The following HSPA12B variants were observed in gnomAD, a reference collection of about 807,000 sequenced individuals.
HSPA12B encodes heat shock 70 kDa protein 12B.
HSPA12B carries 54 observed loss-of-function variants against 69.3 expected under a neutral mutation model. That is an observed-to-expected ratio of 0.78 (90% CI 0.63 to 0.98). The LOEUF is 0.98. Ranked by LOEUF, HSPA12B falls within the 50% of genes least tolerant of loss-of-function variation. HSPA12B has a pLI of 0.00. For synonymous variants in HSPA12B, 441 were observed against 436.5 expected (o/e 1.01, Z -0.13); for missense variants, 929 against 999.8 (o/e 0.93, Z 0.96).
At chr20:3,736,918 G>T (rs1471256373) in intron 1 of HSPA12B, among the ~76,000 whole-genome samples, 1 of 152,054 alleles carries the variant, frequency 6.6e-6, no homozygotes, top group African/African-American at 2.4e-5. Flanking sequence ...ATTAGGTGGC[G>T]CATGCCTGTG....
intron 1 of HSPA12B, among the ~76,000 whole-genome samples, chr20:3,733,611 G>A (rs2088064247): frequency 6.6e-6 from 1 of 152,188 alleles, no homozygotes; most frequent in African/African-American, 2.4e-5. Context: ...GCAGGATGGG[G>A]CAGCCACCTC....
intron 1 of HSPA12B, among the ~76,000 whole-genome samples, chr20:3,736,459 G>A (rs978498347): frequency 2.6e-5 from 4 of 152,230 alleles, no homozygotes; most frequent in African/African-American, 7.2e-5. Context: ...GGGCTGGTTT[G>A]TGTGAACTGT....
At chr20:3,750,691 G>C in intron 11 of HSPA12B, 113 bp from the exon 12 acceptor site, 1 of 1,585,310 alleles carries the variant, frequency 6.3e-7, no homozygotes, top group South Asian at 1.1e-5. Flanking sequence ...TGCAGTCGGT[G>C]CCCAGGCACT....
chr20:3,748,504 C>A (rs1287116969), intron 8 of HSPA12B, 113 bp downstream of exon 8: 4 of 1,015,162 alleles, frequency 3.9e-6, no homozygotes, highest in African/African-American at 3.3e-5. Flanking sequence ...TGGAGGAGCC[C>A]AATTTGAGCA....
At position 3,745,397 on chromosome 20, in the gene HSPA12B, G is replaced by C; in HGVS notation, c.454-96G>C. 4.5e-6 allele frequency: 4 copies of C among 886,492 alleles called. No homozygotes were observed. The highest frequency in any genetic ancestry group is 2.2e-4 in the Middle Eastern group (1 of 4,614). The allele number at this position is 886,492 out of a possible 1,614,324, so 54.9% of individuals were successfully genotyped here. On this transcript the variant is annotated intron_variant, in intron 5 of 12. Transcript: ENST00000254963. The surrounding 1 kb of genome is among the most constrained non-coding windows in gnomAD (Gnocchi z 5.6). ...AGTGGGACGGTGGTAAAGAGGAGGGGAAGCTCCAGGAAACGGGGTGATTTT... is the reference window on the plus strand; with the variant it reads ...AGTGGGACGGTGGTAAAGAGGAGGGCAAGCTCCAGGAAACGGGGTGATTTT...
intron 1 of HSPA12B, among the ~76,000 whole-genome samples, chr20:3,735,755 G>A (rs1479304184): frequency 1.3e-5 from 2 of 152,042 alleles, no homozygotes; most frequent in African/African-American, 2.4e-5. Flanking sequence ...AGTGAGCCAC[G>A]GCGCCCGGCC....
chr20:3,739,186 T>C (rs747583422), intron 2 of HSPA12B, among the ~76,000 whole-genome samples: 4 of 151,378 alleles, frequency 2.6e-5, no homozygotes, highest in Non-Finnish European at 5.9e-5. Flanking sequence ...TGGGCATGCA[T>C]ACAGAGAGTT....
chr20:3,751,496 C>G lies in HSPA12B; in HGVS notation c.1406-15C>G, dbSNP rs746462075. 1.1e-5 allele frequency: 15 copies of G among 1,397,032 alleles called. No individual in the cohort carries two copies. The East Asian group carries it at 1.4e-4, about 13-fold the overall frequency. 86.5% of individuals were successfully genotyped at this position (1,397,032 alleles called of 1,614,324 possible). Reference sequence around the variant, plus strand: ...TCTGCCCCCTTCACCCGCGTCCCCCCGTCCTGTCCCGCAGAGGCCCTGCTG... The same window carrying G: ...TCTGCCCCCTTCACCCGCGTCCCCCGGTCCTGTCCCGCAGAGGCCCTGCTG... On this transcript the variant is annotated splice_polypyrimidine_tract_variant and intron_variant, in intron 12 of 12. Coordinates refer to ENST00000254963, the MANE Select transcript of HSPA12B (RefSeq NM_052970.5).
rs925479312 is a variant in HSPA12B, at chr20:3,752,815, C to G, written c.*649C>G. ...GCAATTATGAGGGTAGCATTTCTTT[C>G]GAGACAAAACACCCGTCTGGGAAGG... On this transcript the variant is annotated 3_prime_UTR_variant, in exon 13 of 13. Transcript: ENST00000254963. The G allele has an allele frequency of 4.2e-4, 64 of 153,678 alleles. No individual in the cohort carries two copies. The highest frequency in any genetic ancestry group is 8.8e-5 in the Non-Finnish European group (6 of 68,066). 9.5% of individuals were successfully genotyped at this position (153,678 alleles called of 1,614,324 possible).
intron 7 of HSPA12B, among the ~76,000 whole-genome samples, chr20:3,746,301 CTTT>C (rs11473544): frequency 1.1e-5 from 1 of 89,244 alleles, no homozygotes; most frequent in Non-Finnish European, 2.0e-5. Context: ...GATGGAGAGT[CTTT>C]TTTTTTTTTT....
rs1417691556 is a variant in HSPA12B, at chr20:3,752,140, G to A, written c.2035G>A (p.Ala679Thr). The A allele has an allele frequency of 4.1e-6, 6 of 1,465,684 alleles. No homozygotes were observed. The highest frequency in any genetic ancestry group is 3.6e-6 in the Non-Finnish European group (4 of 1,115,986). The allele number at this position is 1,465,684 out of a possible 1,614,324, so 90.8% of individuals were successfully genotyped here. A position where few individuals can be genotyped will look rare whatever the true frequency, so the allele number is the denominator to read the frequency against. The change falls in exon 13 of 13, where the codon GCG (alanine) becomes ACG (threonine). Residue 679 changes from alanine to threonine, a missense_variant. This residue lies in a region of HSPA12B where 448 missense variants were observed against 448.1 expected (regional missense o/e 1.00). Coordinates refer to ENST00000254963, the MANE Select transcript of HSPA12B (RefSeq NM_052970.5). Reference protein sequence around the residue: ...VDVSTNRSVRASIDFLSN With the variant: ...VDVSTNRSVRTSIDFLSN ...CGTCAGCACCAATCGCTCCGTGCGCGCGTCCATCGACTTTCTTTCCAACTG... is the reference window on the plus strand; with the variant it reads ...CGTCAGCACCAATCGCTCCGTGCGCACGTCCATCGACTTTCTTTCCAACTG...
chr20:3,745,147 T>C lies in HSPA12B; in HGVS notation c.453+59T>C. The C allele has an allele frequency of 2.8e-6, 2 of 706,030 alleles. No individual in the cohort carries two copies. Among genetic ancestry groups the C allele is most frequent in the Non-Finnish European group, 4.6e-6 (2 of 432,090 alleles). 43.7% of individuals were successfully genotyped at this position (706,030 alleles called of 1,614,324 possible). A position where few individuals can be genotyped will look rare whatever the true frequency, so the allele number is the denominator to read the frequency against. ...CCAGCATGGAAAAGGGCAGGGCTAA[T>C]GGGGGTGGGTGGGACAAAACCAAAA... On this transcript the variant is annotated intron_variant, in intron 5 of 12. Transcript: ENST00000254963. This position sits in a 1 kb window ranked among gnomAD's most constrained non-coding sequence, Gnocchi z 5.6.
At position 3,740,844 on chromosome 20, in the gene HSPA12B, A is replaced by C; in HGVS notation, c.73A>C (p.Ser25Arg). The change falls in exon 3 of 13, where the codon AGC (serine) becomes CGC (arginine). Residue 25 changes from serine to arginine, a missense_variant. This residue lies in a region of HSPA12B where 477 missense variants were observed against 535.2 expected (regional missense o/e 0.89). Coordinates refer to ENST00000254963, the MANE Select transcript of HSPA12B (RefSeq NM_052970.5). The surrounding 1 kb of genome is among the most constrained non-coding windows in gnomAD (Gnocchi z 4.9). The stretch of plus-strand genomic sequence containing the variant: ...CAGCCCGGAGCGGTCCCCAGTGCCT[A>C]GCCCACCCGGCTCCCCGAGGACCCA... ...GSSPERSPVP[S>R]PPGSPRTQES... 6.2e-7 allele frequency: 1 copy of C among 1,613,832 alleles called. No individual in the cohort carries two copies. Among genetic ancestry groups the C allele is most frequent in the Non-Finnish European group, 8.5e-7 (1 of 1,179,952 alleles).
chr20:3,748,492 C>T, intron 8 of HSPA12B, 101 bp downstream of exon 8: 1 of 1,089,632 alleles, frequency 9.2e-7, no homozygotes, highest in Non-Finnish European at 1.2e-6. Flanking sequence ...GGGTACCCAC[C>T]CTGGAGGAGC....
chr20:3,749,231 G>T lies in HSPA12B; in HGVS notation c.851-1G>T. 1 of 1,612,360 alleles carries T rather than the reference G, an allele frequency of 6.2e-7. No homozygotes were observed. Among genetic ancestry groups the T allele is most frequent in the Non-Finnish European group, 8.5e-7 (1 of 1,179,344 alleles). ...ACTCCCTGCTGTCTCCTGACCCCCA[G>T]CTCGGGAGCAGCTGCGAAGGTCCCG... is the stretch of plus-strand genomic sequence containing the variant. On this transcript the variant is annotated splice_acceptor_variant, in intron 8 of 12. Transcript: ENST00000254963. LOFTEE classifies it high-confidence loss of function. This position sits in a 1 kb window ranked among gnomAD's most constrained non-coding sequence, Gnocchi z 5.5.
rs138710388 is a variant in HSPA12B, at chr20:3,737,003, C to G, written c.-17-1655C>G. Among the ~76,000 whole-genome samples the G allele has an allele frequency of 5.5e-3, 834 of 152,182 alleles. 9 individuals are homozygous for G. Among genetic ancestry groups the G allele is most frequent in the African/African-American group, 0.019 (781 of 41,498 alleles). ...GATGGAGATTGCAGTGAGCTGAGAA[C>G]TGAGATCACGCCACTGCACTCCAGC... On this transcript the variant is annotated intron_variant, in intron 1 of 12. Transcript: ENST00000254963. This position sits in a 1 kb window ranked among gnomAD's most constrained non-coding sequence, Gnocchi z 4.1.
chr20:3,748,604 C>A (rs1480535751), intron 8 of HSPA12B, among the ~76,000 whole-genome samples: 1 of 152,186 alleles, frequency 6.6e-6, no homozygotes, highest in African/African-American at 2.4e-5. Flanking sequence ...ACATGCCCTA[C>A]CTAGGGCAGC....
intron 12 of HSPA12B, 101 bp from the exon 13 acceptor site, chr20:3,751,410 G>T (rs1427981716): frequency 7.4e-7 from 1 of 1,353,222 alleles, no homozygotes; most frequent in Non-Finnish European, 9.4e-7. Context: ...GCTAGGGAGG[G>T]GAGGCGCCGG....
chr20:3,749,430 C>A lies in HSPA12B; in HGVS notation c.937+112C>A. On this transcript the variant is annotated intron_variant, in intron 9 of 12. Coordinates refer to ENST00000254963, the MANE Select transcript of HSPA12B (RefSeq NM_052970.5). This position sits in a 1 kb window ranked among gnomAD's most constrained non-coding sequence, Gnocchi z 5.5. ...GTCTCTTCCTCCTCCATTCGCTGTA[C>A]CCAACCTGGCCGTCCCCTCACAGTC... 1.0e-6 allele frequency: 1 copy of A among 1,002,846 alleles called. No individual in the cohort carries two copies. Among genetic ancestry groups the A allele is most frequent in the Non-Finnish European group, 1.5e-6 (1 of 671,796 alleles). The allele number at this position is 1,002,846 out of a possible 1,614,324, so 62.1% of individuals were successfully genotyped here. A position where few individuals can be genotyped will look rare whatever the true frequency, so the allele number is the denominator to read the frequency against.
Sources: allele counts gnomAD v4.1 joint callset (sites outside exome capture counted in the v4.1 genomes callset), GRCh38; gene constraint gnomAD v4.1.1; regional missense constraint gnomAD v4.1.1; non-coding constraint Gnocchi (gnomAD v3.1); transcripts MANE v1.5; gene names NCBI Gene and HGNC (gene_info 2026-07-23, HGNC 2026-07-21).